Variants in MRPL24 observed in about 807,000 individuals in gnomAD.
MRPL24 encodes the protein mitochondrial ribosomal protein L24, also known as large ribosomal subunit protein uL24m.
A neutral mutation model predicts 26.9 loss-of-function variants in MRPL24; 15 were observed. The ratio of observed to expected loss-of-function variants is 0.56; its 90% confidence interval spans 0.37 to 0.86. The LOEUF is 0.86. Among genes scored for constraint, MRPL24 ranks in the 40% least tolerant of loss-of-function variants. MRPL24 has a pLI of 0.00. For missense variants in MRPL24, 241 were observed against 281.4 expected (o/e 0.86, Z 1.03); for synonymous variants, 92 against 102.4 (o/e 0.90, Z 0.62).
rs1649983894 is a variant in MRPL24 at position 156,738,791 on chromosome 1, A to G, written c.-60-27T>C. ...TGGGCAGATGGATAGAAACGGGAAC[A>G]AAGAGGCAAGGGAAGGAACATTTTT... On this transcript the variant is annotated intron_variant, in intron 1 of 5. Coordinates refer to ENST00000361531, the MANE Select transcript of MRPL24 (RefSeq NM_145729.3). 3.8e-6 allele frequency: 5 copies of G among 1,325,276 alleles called. No individual in the cohort carries two copies. The East Asian group carries it at 1.2e-4, about 31-fold the overall frequency. 82.1% of individuals were successfully genotyped at this position (1,325,276 alleles called of 1,614,324 possible).
Position 156,737,463 on chromosome 1 carries a change from C to T in MRPL24, c.586G>A (p.Glu196Lys). The change falls in exon 6 of 6, where the codon GAG (glutamate) becomes AAG (lysine). Residue 196 changes from glutamate (E) to lysine (K), a missense_variant. Glu to Lys is a moderately conservative substitution (Grantham distance 56). Coordinates refer to ENST00000361531, the MANE Select transcript of MRPL24 (RefSeq NM_145729.3). ...TYVPCLKTLQ[E>K]EVMEAMGIKE... ...ATCCCCATGGCCTCCATCACCTCCTCCTGCAGTGTCTTTAGACAGGGCACA... is the reference window on the plus strand; with the variant it reads ...ATCCCCATGGCCTCCATCACCTCCTTCTGCAGTGTCTTTAGACAGGGCACA... The T allele has an allele frequency of 6.2e-7, 1 of 1,612,696 alleles. No homozygotes were observed. The highest frequency in any genetic ancestry group is 8.5e-7 in the Non-Finnish European group (1 of 1,179,388).
chr1:156,738,078 T>C lies in MRPL24; in HGVS notation c.336A>G (p.Glu112=), dbSNP rs776114790. 1 of 1,614,164 alleles carries C rather than the reference T, an allele frequency of 6.2e-7. No homozygotes were observed. Among genetic ancestry groups the C allele is most frequent in the South Asian group, 1.1e-5 (1 of 91,078 alleles). Residue 112 remains glutamate, a synonymous_variant, in exon 4 of 6, where the codon GAA becomes GAG. Transcript: ENST00000361531. The part of the protein sequence containing the change: ...MDYRGTMIPS[E]APLLHRQVKL... The stretch of plus-strand genomic sequence containing the variant: ...TGACCTGGCGGTGGAGCAAGGGGGC[T>C]TCACTAGGGATCATGGTTCCCCGGT...
Position 156,738,660 on chromosome 1 carries a change from C to G in MRPL24, c.45G>C (p.Leu15=), listed in dbSNP as rs1302722632. 3 of 1,597,546 alleles carry G rather than the reference C, an allele frequency of 1.9e-6. No individual in the cohort carries two copies. Among genetic ancestry groups the G allele is most frequent in the Non-Finnish European group, 2.6e-6 (3 of 1,175,444 alleles). ...TCATCCCATAGCGGTAATGGGGGGG[C>G]AGAGTGACCTTGGATGCCAAGGCCA... is the stretch of plus-strand genomic sequence containing the variant. ...ALLALASKVT[L]PPHYRYGMSP... is the part of the protein sequence containing the mutation. The change falls in exon 2 of 6, where the codon CTG becomes CTC. Residue 15 remains leucine (L), a synonymous_variant. Coordinates refer to ENST00000361531, the MANE Select transcript of MRPL24 (RefSeq NM_145729.3).
intron 1 of MRPL24, among the ~76,000 whole-genome samples, chr1:156,740,170 G>T (rs1650029946): frequency 6.6e-6 from 1 of 152,118 alleles, no homozygotes; most frequent in Admixed American, 6.6e-5. Context: ...TTGTTTAAGG[G>T]GAGAGGAACT....
upstream of MRPL24, chr1:156,742,061 G>A (rs1407412468): frequency 6.6e-6 from 1 of 152,616 alleles, no homozygotes; most frequent in Non-Finnish European, 1.5e-5. Flanking sequence ...CCCACTTTCT[G>A]TCTTCAGTTA....
rs757784077 is a variant in MRPL24 at position 156,738,683 on chromosome 1, C to G, written c.22G>C (p.Ala8Pro). 1.9e-6 allele frequency: 3 copies of G among 1,589,130 alleles called. No homozygotes were observed. Among genetic ancestry groups the G allele is most frequent in the South Asian group, 1.1e-5 (1 of 87,068 alleles). The change falls in exon 2 of 6, where the codon GCC (alanine) becomes CCC (proline). Residue 8 changes from alanine (A) to proline (P), a missense_variant. By Grantham distance (27) the Ala-to-Pro change is conservative. Transcript: ENST00000361531. MRLSALL[A>P]LASKVTLPPH... is the part of the protein sequence containing the mutation. The stretch of plus-strand genomic sequence containing the variant: ...GGCAGAGTGACCTTGGATGCCAAGG[C>G]CAGCAGGGCAGAAAGACGCATGCCT...
chr1:156,739,829 T>A (rs4459103), intron 1 of MRPL24, among the ~76,000 whole-genome samples: 39,107 of 150,286 alleles, frequency 0.26, 6,624 homozygotes, highest in East Asian at 0.68. Context: ...GACCCGCTAA[T>A]TTTTTTTTTG....
chr1:156,737,949 C>A, intron 4 of MRPL24, 82 bp downstream of exon 4: 1 of 1,470,644 alleles, frequency 6.8e-7, no homozygotes, highest in South Asian at 1.2e-5. Context: ...ATTTCCAGAG[C>A]ATCCAACCCA....
At chr1:156,737,588 A>G in intron 5 of MRPL24, 54 bp from the exon 6 acceptor site, 4 of 1,605,924 alleles carry the variant, frequency 2.5e-6, no homozygotes, top group Non-Finnish European at 3.4e-6. Context: ...ACTTTCATTA[A>G]TGTCCCCTAC....
chr1:156,740,094 GT>G (rs1161204395), intron 1 of MRPL24, among the ~76,000 whole-genome samples: 2 of 152,230 alleles, frequency 1.3e-5, no homozygotes, highest in East Asian at 3.9e-4. Flanking sequence ...TCCCTGTGGG[GT>G]AAATATACAA....
rs754993225 is a variant in MRPL24 at position 156,738,522 on chromosome 1, C to T, written c.183G>A (p.Thr61=). ...DEDWYLFCGD[T]VEILEGKDAG... is the part of the protein sequence containing the mutation. ...TCTACCCCCTGTATGAGGCTCTCACCGTGTCCCCACAGAACAGATACCAGT... is the reference window on the plus strand; with the variant it reads ...TCTACCCCCTGTATGAGGCTCTCACTGTGTCCCCACAGAACAGATACCAGT... Residue 61 remains threonine, a splice_region_variant and synonymous_variant, in exon 2 of 6, where the codon ACG becomes ACA. Transcript: ENST00000361531. 12 of 1,614,098 alleles carry T rather than the reference C, an allele frequency of 7.4e-6. No homozygotes were observed. The highest frequency in any genetic ancestry group is 2.2e-5 in the East Asian group (1 of 44,886).
At chr1:156,738,155 T>C in intron 3 of MRPL24, 21 bp from the exon 4 acceptor site, 3 of 1,612,130 alleles carry the variant, frequency 1.9e-6, no homozygotes, top group Non-Finnish European at 2.5e-6. Context: ...GAGGGGAGTG[T>C]CAGAAAGCAC....
chr1:156,737,451 C>T lies in MRPL24; in HGVS notation c.598G>A (p.Glu200Lys). 1 of 1,612,168 alleles carries T rather than the reference C, an allele frequency of 6.2e-7. No homozygotes were observed. The highest frequency in any genetic ancestry group is 8.5e-7 in the Non-Finnish European group (1 of 1,179,150). ...CGGGTCTCCTTGATCCCCATGGCCT[C>T]CATCACCTCCTCCTGCAGTGTCTTT... ...CLKTLQEEVM[E>K]AMGIKETRKY... Residue 200 changes from glutamate to lysine, a missense_variant, in exon 6 of 6, where the codon GAG becomes AAG. By Grantham distance (56) the Glu-to-Lys change is moderately conservative. Transcript: ENST00000361531.
In MRPL24 at chr1:156,737,682, G is replaced by A; in HGVS notation, c.478C>T (p.Pro160Ser). ...SGRIIPKPEF[P>S]RADGIVPETW... ...TCAGGGACGATGCCATCAGCTCTGG[G>A]AAATTCGGGTTTAGGGATAATTCTC... The change falls in exon 5 of 6, where the codon CCC becomes TCC. Residue 160 changes from proline (P) to serine (S), a missense_variant. Coordinates refer to ENST00000361531, the MANE Select transcript of MRPL24 (RefSeq NM_145729.3). 6.2e-7 allele frequency: 1 copy of A among 1,614,174 alleles called. No individual in the cohort carries two copies.
At position 156,738,433 on chromosome 1, in the gene MRPL24, C is replaced by G; in HGVS notation, c.189G>C (p.Glu63Asp). The G allele has an allele frequency of 6.2e-7, 1 of 1,613,942 alleles. No homozygotes were observed. Among genetic ancestry groups the G allele is most frequent in the Non-Finnish European group, 8.5e-7 (1 of 1,179,888 alleles). ...TCCCGGCATCCTTGCCTTCTAGGATCTCCACCTGTGGGAAGATACGAAGGT... is the reference window on the plus strand; with the variant it reads ...TCCCGGCATCCTTGCCTTCTAGGATGTCCACCTGTGGGAAGATACGAAGGT... The part of the protein sequence containing the change: ...DWYLFCGDTV[E>D]ILEGKDAGKQ... The change falls in exon 3 of 6, where the codon GAG becomes GAC. Residue 63 changes from glutamate to aspartate, a missense_variant. Coordinates refer to ENST00000361531, the MANE Select transcript of MRPL24 (RefSeq NM_145729.3).
At chr1:156,742,549 T>C (rs548570568), upstream of MRPL24, 1 of 152,836 alleles carries the variant, frequency 6.5e-6, no homozygotes, top group Non-Finnish European at 1.5e-5. Flanking sequence ...TTTTCTTTTA[T>C]TAAAAACATT....
Position 156,737,531 on chromosome 1 carries a change from C to A in MRPL24, c.518G>T (p.Gly173Val). The change falls in exon 6 of 6, where the codon GGC becomes GTC. Residue 173 changes from glycine (G) to valine (V), a missense_variant. Gly to Val is a moderately radical substitution (Grantham distance 109, BLOSUM62 -3). Coordinates refer to ENST00000361531, the MANE Select transcript of MRPL24 (RefSeq NM_145729.3). ...DGIVPETWID[G>V]PKDTSVEDAL... ...ATCTTCCACTGATGTGTCTTTGGGG[C>A]CATCTGTTAAGCCAGAGGAAACTTA... The A allele has an allele frequency of 6.2e-7, 1 of 1,605,330 alleles. No individual in the cohort carries two copies. The highest frequency in any genetic ancestry group is 8.5e-7 in the Non-Finnish European group (1 of 1,175,826).
chr1:156,738,897 TAGAA>T (rs1005412378), intron 1 of MRPL24, 133 bp from the exon 2 acceptor site: 33 of 546,268 alleles, frequency 6.0e-5, no homozygotes, highest in Middle Eastern at 4.6e-4. Flanking sequence ...GATGAGAAAA[TAGAA>T]AGGTCAAGTA....
chr1:156,738,688 A>G lies in MRPL24; in HGVS notation c.17T>C (p.Leu6Pro), dbSNP rs757945126. The G allele has an allele frequency of 6.3e-7, 1 of 1,586,968 alleles. No individual in the cohort carries two copies. Among genetic ancestry groups the G allele is most frequent in the Admixed American group, 2.0e-5 (1 of 49,970 alleles). ...AGTGACCTTGGATGCCAAGGCCAGC[A>G]GGGCAGAAAGACGCATGCCTGGAGG... MRLSA[L>P]LALASKVTLP... The change falls in exon 2 of 6, where the codon CTG (leucine) becomes CCG (proline). Residue 6 changes from leucine to proline, a missense_variant. Transcript: ENST00000361531.
Sources: gnomAD v4.1 joint callset for allele counts (sites outside exome capture counted in the v4.1 genomes callset) on GRCh38, gnomAD v4.1.1 for gene constraint, MANE v1.5 for transcripts, NCBI Gene and HGNC (gene_info 2026-07-23, HGNC 2026-07-21) for gene names.